Variants in NFATC2 observed in about 807,000 individuals in gnomAD.
NFATC2 encodes the protein nuclear factor of activated T cells 2.
A neutral mutation model predicts 87.3 loss-of-function variants in NFATC2; 22 were observed. The ratio of observed to expected loss-of-function variants is 0.25; its 90% CI spans 0.18 to 0.36. The LOEUF (loss-of-function observed/expected upper bound fraction) is 0.36, where lower values mean the gene tolerates loss of function less well. NFATC2 is among the 10% of genes least tolerant of loss of function. The pLI, the probability that NFATC2 is intolerant of heterozygous loss-of-function variation, is 1.00. For synonymous variants in NFATC2, 565 were observed against 542.2 expected (o/e 1.04, Z -0.58); for missense variants, 1,149 against 1,259.1 (o/e 0.91, Z 1.32).
rs181682358 is a variant in NFATC2, at chr20:51,524,873, C to A, written c.131-763G>T. Reference sequence around the variant, plus strand: ...ATACCACAGGCAAGCCACTTGCCCCCCAACAGGCAGGGTCACTGCTACAGA... The same window carrying A: ...ATACCACAGGCAAGCCACTTGCCCCACAACAGGCAGGGTCACTGCTACAGA... On this transcript the variant is annotated intron_variant, in intron 1 of 10. Transcript: ENST00000371564. This position sits in a 1 kb window ranked among gnomAD's most constrained non-coding sequence, Gnocchi z 4.0. Among the ~76,000 whole-genome samples the A allele has an allele frequency of 2.2e-4, 34 of 152,254 alleles. 1 individual carries two copies. In the East Asian group the frequency reaches 6.0e-3, roughly 27 times the overall value.
At chr20:51,429,862 G>A (rs142234383) in intron 9 of NFATC2, among the ~76,000 whole-genome samples, 25 of 152,070 alleles carry the variant, frequency 1.6e-4, no homozygotes, top group Middle Eastern at 6.8e-3. Flanking sequence ...ATTTCACCTC[G>A]CTCGGTTCTC....
At chr20:51,455,721 T>A (rs1194089067) in intron 5 of NFATC2, among the ~76,000 whole-genome samples, 2 of 12,218 alleles carry the variant, frequency 1.6e-4, no homozygotes, top group African/African-American at 8.1e-4. Context: ...GGTGGGTGGG[T>A]GGGTGGATGG....
chr20:51,460,248 C>G (rs916171615), intron 5 of NFATC2, among the ~76,000 whole-genome samples: 14 of 152,192 alleles, frequency 9.2e-5, no homozygotes, highest in Admixed American at 9.2e-4. Flanking sequence ...GACAGATGCT[C>G]AGAGCTCAGC....
At chr20:51,538,334 A>G (rs1052093680) in intron 1 of NFATC2, among the ~76,000 whole-genome samples, 1 of 152,184 alleles carries the variant, frequency 6.6e-6, no homozygotes, top group African/African-American at 2.4e-5. Flanking sequence ...TTTTCCATAG[A>G]TGCTAAAAAA....
intron 1 of NFATC2, among the ~76,000 whole-genome samples, chr20:51,561,411 A>G (rs956304018): frequency 2.7e-5 from 4 of 149,066 alleles, no homozygotes; most frequent in Non-Finnish European, 4.4e-5. Flanking sequence ...AAGAAAAGAA[A>G]GAAAGAAAGA....
chr20:51,448,060 G>C (rs1258434023), intron 6 of NFATC2, among the ~76,000 whole-genome samples: 2 of 152,166 alleles, frequency 1.3e-5, no homozygotes, highest in Admixed American at 6.5e-5. Context: ...GCTATGTGCC[G>C]GGGACCACTC....
rs143318480 is a variant in NFATC2, at chr20:51,466,763, T to C, written c.1708+7217A>G. 5.8e-3 allele frequency among the ~76,000 whole-genome samples: 883 copies of C among 152,240 alleles called. 12 individuals are homozygous for C. Among genetic ancestry groups the C allele is most frequent in the African/African-American group, 0.02 (844 of 41,556 alleles). The stretch of plus-strand genomic sequence containing the variant: ...AATTTGGCTTCATCAAAATAAAATA[T>C]GAATGTTCATAAAAAGACACTCCCT... On this transcript the variant is annotated intron_variant, in intron 5 of 10. Transcript: ENST00000371564.
At chr20:51,463,175 C>T (rs901863206) in intron 5 of NFATC2, among the ~76,000 whole-genome samples, 3 of 152,232 alleles carry the variant, frequency 2.0e-5, no homozygotes, top group African/African-American at 7.2e-5. Context: ...GGCCAGCAGA[C>T]AGGCCCCTCA....
At chr20:51,536,341 T>G (rs1180020669) in intron 1 of NFATC2, among the ~76,000 whole-genome samples, 3 of 152,138 alleles carry the variant, frequency 2.0e-5, no homozygotes, top group Non-Finnish European at 4.4e-5. Context: ...GGCAGGGACC[T>G]AGAATGCTCA....
intron 9 of NFATC2, among the ~76,000 whole-genome samples, chr20:51,430,276 C>A (rs988384167): frequency 6.6e-6 from 1 of 152,174 alleles, no homozygotes; most frequent in African/African-American, 2.4e-5. Context: ...CCAATACAAT[C>A]GATCCCCCAG....
chr20:51,533,722 G>A (rs368507166), intron 1 of NFATC2, among the ~76,000 whole-genome samples: 1 of 152,250 alleles, frequency 6.6e-6, no homozygotes, highest in Non-Finnish European at 1.5e-5. Context: ...CAGGCGCCCA[G>A]GACACAGGAC....
At chr20:51,525,595 A>G (rs1268572809) in intron 1 of NFATC2, among the ~76,000 whole-genome samples, 1 of 90,960 alleles carries the variant, frequency 1.1e-5, no homozygotes, top group African/African-American at 4.3e-5. Flanking sequence ...CCTCCCCGCC[A>G]GCTCATGGGG....
intron 3 of NFATC2, among the ~76,000 whole-genome samples, chr20:51,498,541 T>C (rs1262379893): frequency 6.6e-6 from 1 of 152,178 alleles, no homozygotes. Flanking sequence ...CTCACGCCTG[T>C]AATCCCAGCA....
At chr20:51,500,494 TA>T (rs1213908633) in intron 3 of NFATC2, among the ~76,000 whole-genome samples, 1 of 151,724 alleles carries the variant, frequency 6.6e-6, no homozygotes, top group African/African-American at 2.4e-5. Flanking sequence ...TAAGTAAGTT[TA>T]GAGGTAGGAG....
rs187431603 is a variant in NFATC2, at chr20:51,472,074, G to A, written c.1708+1906C>T. Among the ~76,000 whole-genome samples, 593 of 152,248 alleles carry A rather than the reference G, an allele frequency of 3.9e-3. 5 individuals carry two copies. Among genetic ancestry groups the A allele is most frequent in the African/African-American group, 0.013 (551 of 41,534 alleles). On this transcript the variant is annotated intron_variant, in intron 5 of 10. Transcript: ENST00000371564. ...TCGAGACCAGCCTGGCCAACATGGC[G>A]AAACCCTGTCTCTACTAAAAAATAC...
chr20:51,549,030 A>ACACCT (rs1238119727), intron 1 of NFATC2, among the ~76,000 whole-genome samples: 7 of 152,310 alleles, frequency 4.6e-5, no homozygotes, highest in Admixed American at 3.3e-4. Flanking sequence ...ACAGTGGTGC[A>ACACCT]CACCTGTAGT....
intron 9 of NFATC2, among the ~76,000 whole-genome samples, chr20:51,426,850 G>A (rs147468134): frequency 7.7e-5 from 11 of 143,042 alleles, no homozygotes; most frequent in South Asian, 2.5e-4. Flanking sequence ...TGGGTGGCCC[G>A]CTTGTGAAAT....
At chr20:51,514,583 G>A (rs923844512) in intron 3 of NFATC2, among the ~76,000 whole-genome samples, 5 of 152,144 alleles carry the variant, frequency 3.3e-5, no homozygotes, top group African/African-American at 1.2e-4. Flanking sequence ...ACATAAAACA[G>A]AGCACTTGGC....
Position 51,429,203 on chromosome 20 carries a change from G to A in NFATC2, c.2722+2864C>T, listed in dbSNP as rs538744468. 5.3e-5 allele frequency among the ~76,000 whole-genome samples: 8 copies of A among 152,326 alleles called. No individual in the cohort carries two copies. The South Asian group carries it at 1.7e-3, about 32-fold the overall frequency. ...GAATTTGAAATTGCAGCAGTTCAGA[G>A]ACAAAACTGCACCCACATCTTGGTG... On this transcript the variant is annotated intron_variant, in intron 9 of 10. Coordinates refer to ENST00000371564, the MANE Select transcript of NFATC2 (RefSeq NM_012340.5).
Sources: gnomAD v4.1 joint callset for allele counts (sites outside exome capture counted in the v4.1 genomes callset) on GRCh38, gnomAD v4.1.1 for gene constraint, Gnocchi (gnomAD v3.1) non-coding constraint, MANE v1.5 for transcripts, NCBI Gene and HGNC (gene_info 2026-07-23, HGNC 2026-07-21) for gene names.